BCL11B: variants seen among roughly 807,000 people sequenced by gnomAD.
BCL11B encodes the protein BCL11 transcription factor B.
Under a neutral mutation model 49.9 loss-of-function variants are expected in BCL11B, and 8 were observed. The ratio of observed to expected loss-of-function variants is 0.16; its 90% CI spans 0.09 to 0.29. The LOEUF is 0.29. Ranked by LOEUF, BCL11B falls within the 10% of genes least tolerant of loss-of-function variation. BCL11B has a pLI of 1.00. For synonymous variants in BCL11B, 739 were observed against 637.4 expected (o/e 1.16, Z -2.40); for missense variants, 1,006 against 1,351.0 (o/e 0.74, Z 4.00).
chr14:99,219,037 T>A (rs56150709), intron 3 of BCL11B, among the ~76,000 whole-genome samples: 1 of 137,622 alleles, frequency 7.3e-6, no homozygotes, highest in Admixed American at 8.1e-5. Flanking sequence ...TTCTTTTTTT[T>A]ATTTCTTCTT....
At chr14:99,235,698 TGGGGGAAGGACAGCG>T (rs1210066638) in intron 2 of BCL11B, among the ~76,000 whole-genome samples, 1 of 147,336 alleles carries the variant, frequency 6.8e-6, no homozygotes, top group African/African-American at 2.5e-5. Flanking sequence ...CTTTTTTTGG[TGGGGGAAGGACAGCG>T]GGGGGAAGGA....
Position 99,175,773 on chromosome 14 carries a change from C to T in BCL11B, c.1063G>A (p.Ala355Thr). ...AAGTCCATGGCGGGCGAGTCGATGG[C>T]CATGGGGTTCAGGCGCATGACTCGG... Reference protein sequence around the residue: ...FDRVMRLNPMAIDSPAMDFSR... With the variant: ...FDRVMRLNPMTIDSPAMDFSR... Residue 355 changes from alanine to threonine, a missense_variant, in exon 4 of 4, where the codon GCC becomes ACC. Ala to Thr is a moderately conservative substitution (Grantham distance 58, BLOSUM62 0). Around this residue, in one of 6 missense-constraint regions of BCL11B, gnomAD observed 411 missense variants for 542.2 expected, o/e 0.76. Coordinates refer to ENST00000357195, the MANE Select transcript of BCL11B (RefSeq NM_138576.4). 6.8e-7 allele frequency: 1 copy of T among 1,469,528 alleles called. No homozygotes were observed. The highest frequency in any genetic ancestry group is 8.9e-7 in the Non-Finnish European group (1 of 1,123,508). The allele number at this position is 1,469,528 out of a possible 1,614,324, so 91.0% of individuals were successfully genotyped here.
At chr14:99,249,871 T>G (rs543582148) in intron 2 of BCL11B, among the ~76,000 whole-genome samples, 1 of 152,174 alleles carries the variant, frequency 6.6e-6, no homozygotes, top group East Asian at 2.0e-4. Flanking sequence ...CTCGTGCCTG[T>G]AATCCCAACA....
rs1267182753 is a variant in BCL11B, at chr14:99,213,349, C to A, written c.640+17996G>T. On this transcript the variant is annotated intron_variant, in intron 3 of 3. Coordinates refer to ENST00000357195, the MANE Select transcript of BCL11B (RefSeq NM_138576.4). The surrounding 1 kb of genome is among the most constrained non-coding windows in gnomAD (Gnocchi z 5.1). ...CTAATCAGACAGCAGAGGCTGCCAC[C>A]CAGAATGCCCGGCACGTTATTCAGC... Among the ~76,000 whole-genome samples, 1 of 152,162 alleles carries A rather than the reference C, an allele frequency of 6.6e-6. No homozygotes were observed. The highest frequency in any genetic ancestry group is 1.5e-5 in the Non-Finnish European group (1 of 68,034).
chr14:99,210,662 T>A (rs558622342), intron 3 of BCL11B, among the ~76,000 whole-genome samples: 3 of 152,174 alleles, frequency 2.0e-5, no homozygotes, highest in African/African-American at 4.8e-5. Context: ...CAGGTGTGGA[T>A]AGTCACTCTA....
At position 99,173,223 on chromosome 14, in the gene BCL11B, A is replaced by G. The variant is rs1886347858; in HGVS notation, c.*928T>C. On this transcript the variant is annotated 3_prime_UTR_variant, in exon 4 of 4. Transcript: ENST00000357195. ...CAGCCCATTTTATGTAGCCTAATCT[A>G]CAGCGAATAGCAGCCATGGCACCCC... The G allele has an allele frequency of 4.4e-6, 1 of 227,878 alleles. No homozygotes were observed. The highest frequency in any genetic ancestry group is 6.3e-5 in the East Asian group (1 of 16,000). The allele number at this position is 227,878 out of a possible 1,614,324, so 14.1% of individuals were successfully genotyped here. A position where few individuals can be genotyped will look rare whatever the true frequency, so the allele number is the denominator to read the frequency against.
intron 1 of BCL11B, among the ~76,000 whole-genome samples, chr14:99,266,037 C>A (rs1202688943): frequency 6.6e-6 from 1 of 152,188 alleles, no homozygotes; most frequent in East Asian, 1.9e-4. Flanking sequence ...CATTAAAAGC[C>A]ATCCATAAAG....
In BCL11B at chr14:99,175,161, C is replaced by T. The variant is rs1886453904; in HGVS notation, c.1675G>A (p.Asp559Asn). 6.3e-7 allele frequency: 1 copy of T among 1,593,288 alleles called. No individual in the cohort carries two copies. Among genetic ancestry groups the T allele is most frequent in the Non-Finnish European group, 8.5e-7 (1 of 1,172,242 alleles). ...ESRPESSFSM[D>N]SELSRNRENG... is the part of the protein sequence containing the mutation. ...TCGCGGTTGCGGCTCAGCTCCGAGT[C>T]CATGCTGAAGCTCGACTCGGGCCGG... The change falls in exon 4 of 4, where the codon GAC (aspartate) becomes AAC (asparagine). Residue 559 changes from aspartate to asparagine, a missense_variant. Physicochemically the swap from Asp to Asn is conservative, Grantham distance 23. This residue lies in a region of BCL11B where 443 missense variants were observed against 499.7 expected (regional missense o/e 0.89). Coordinates refer to ENST00000357195, the MANE Select transcript of BCL11B (RefSeq NM_138576.4).
intron 3 of BCL11B, among the ~76,000 whole-genome samples, chr14:99,224,614 C>T (rs768111890): frequency 1.4e-4 from 21 of 152,238 alleles, no homozygotes; most frequent in Non-Finnish European, 2.4e-4. Context: ...TCCCTTCCCA[C>T]CGGCCTTTTC....
chr14:99,174,585 G>A lies in BCL11B; in HGVS notation c.2251C>T (p.Arg751Cys), dbSNP rs1886405702. The change falls in exon 4 of 4, where the codon CGC becomes TGC. Residue 751 changes from arginine to cysteine, a missense_variant. Arg to Cys is a radical substitution (Grantham distance 180, BLOSUM62 -3). Coordinates refer to ENST00000357195, the MANE Select transcript of BCL11B (RefSeq NM_138576.4). ...SEHSSENGSL[R>C]FSTPPGDLLD... ...AGGTCCCCGGGCGGCGTGGAGAAGC[G>A]CAGGCTGCCGTTCTCGGACGAGTGC... The A allele has an allele frequency of 2.0e-6, 3 of 1,524,778 alleles. No homozygotes were observed. Among genetic ancestry groups the A allele is most frequent in the Non-Finnish European group, 1.8e-6 (2 of 1,138,984 alleles). 94.5% of individuals were successfully genotyped at this position (1,524,778 alleles called of 1,614,324 possible).
chr14:99,175,151 A>G lies in BCL11B; in HGVS notation c.1685T>C (p.Leu562Pro). 2 of 1,594,708 alleles carry G rather than the reference A, an allele frequency of 1.3e-6. No homozygotes were observed. Among genetic ancestry groups the G allele is most frequent in the Non-Finnish European group, 1.7e-6 (2 of 1,173,188 alleles). Residue 562 changes from leucine to proline, a missense_variant, in exon 4 of 4, where the codon CTG becomes CCG. Physicochemically the swap from Leu to Pro is moderately conservative, Grantham distance 98. This residue lies in a region of BCL11B where 443 missense variants were observed against 499.7 expected (regional missense o/e 0.89). Coordinates refer to ENST00000357195, the MANE Select transcript of BCL11B (RefSeq NM_138576.4). The stretch of plus-strand genomic sequence containing the variant: ...ACCGCCGTTCTCGCGGTTGCGGCTC[A>G]GCTCCGAGTCCATGCTGAAGCTCGA... ...PESSFSMDSE[L>P]SRNRENGGGG... is the part of the protein sequence containing the mutation.
chr14:99,230,334 C>T (rs1888291122), intron 3 of BCL11B, among the ~76,000 whole-genome samples: 1 of 152,206 alleles, frequency 6.6e-6, no homozygotes, highest in Non-Finnish European at 1.5e-5. Context: ...AAGCCTGCAA[C>T]ATGCCTGGTG....
At chr14:99,229,986 C>G (rs924584008) in intron 3 of BCL11B, among the ~76,000 whole-genome samples, 1 of 152,214 alleles carries the variant, frequency 6.6e-6, no homozygotes, top group African/African-American at 2.4e-5. Flanking sequence ...CAAGTGGTTC[C>G]GACTCCTTCC....
intron 3 of BCL11B, among the ~76,000 whole-genome samples, chr14:99,177,659 T>G (rs541801690): frequency 1.1e-4 from 16 of 151,060 alleles, no homozygotes; most frequent in Middle Eastern, 3.4e-3. Context: ...CCTGGAAGAT[T>G]TTAACACAGA....
Position 99,169,975 on chromosome 14 carries a change from G to A in BCL11B, c.*4176C>T, listed in dbSNP as rs1276128174. The A allele has an allele frequency of 8.7e-6, 2 of 229,144 alleles. No individual in the cohort carries two copies. The highest frequency in any genetic ancestry group is 1.7e-5 in the Non-Finnish European group (2 of 115,192). 14.2% of individuals were successfully genotyped at this position (229,144 alleles called of 1,614,324 possible). ...CACCCATGCTAGAGGCCTCTCTCTC[G>A]GGATCATCTGCTTCCGTGTTGGTTT... On this transcript the variant is annotated 3_prime_UTR_variant, in exon 4 of 4. Coordinates refer to ENST00000357195, the MANE Select transcript of BCL11B (RefSeq NM_138576.4).
rs1382982353 is a variant in BCL11B at position 99,172,598 on chromosome 14, ATTATT to A, written c.*1548_*1552del. 1 of 209,916 alleles carries A rather than the reference ATTATT, an allele frequency of 4.8e-6. No individual in the cohort carries two copies. Among genetic ancestry groups the A allele is most frequent in the African/African-American group, 2.3e-5 (1 of 43,986 alleles). The allele number at this position is 209,916 out of a possible 1,614,324, so 13.0% of individuals were successfully genotyped here. On this transcript the variant is annotated 3_prime_UTR_variant, in exon 4 of 4. Transcript: ENST00000357195. ...CAGTAGAAAAACTGTCCTATAAATT[ATTATT>A]TTATTTTGTTCTTTATAGTGCCAGT...
intron 2 of BCL11B, among the ~76,000 whole-genome samples, chr14:99,255,405 G>GAAA (rs67440207): frequency 3.1e-5 from 2 of 65,182 alleles, no homozygotes; most frequent in East Asian, 5.2e-4. Flanking sequence ...TCACAACCTG[G>GAAA]AAAAAAAAAA....
chr14:99,187,397 G>A (rs952833945), intron 3 of BCL11B, among the ~76,000 whole-genome samples: 7 of 152,288 alleles, frequency 4.6e-5, no homozygotes, highest in Non-Finnish European at 5.9e-5. Context: ...AAATAATAAA[G>A]AATGCGTTGT....
chr14:99,219,570 G>C (rs1436662526), intron 3 of BCL11B, among the ~76,000 whole-genome samples: 1 of 152,088 alleles, frequency 6.6e-6, no homozygotes, highest in Non-Finnish European at 1.5e-5. Flanking sequence ...CAGGCAGGGA[G>C]ACCCCACAAG....
Sources: allele counts gnomAD v4.1 joint callset (sites outside exome capture counted in the v4.1 genomes callset), GRCh38; gene constraint gnomAD v4.1.1; regional missense constraint gnomAD v4.1.1; non-coding constraint Gnocchi (gnomAD v3.1); transcripts MANE v1.5; gene names NCBI Gene and HGNC (gene_info 2026-07-23, HGNC 2026-07-21).